The following RBFOX1 variants were observed in gnomAD, a reference collection of about 807,000 sequenced individuals.
RBFOX1 encodes the protein RNA binding protein fox-1 homolog 1.
RBFOX1 carries 8 observed loss-of-function variants against 57.7 expected under a neutral mutation model. The ratio of observed to expected loss-of-function variants is 0.14; its 90% CI spans 0.08 to 0.25. The LOEUF is 0.25. RBFOX1 is among the 10% of genes least tolerant of loss of function. The pLI is 1.00. For missense variants in RBFOX1, 611 were observed against 548.5 expected (o/e 1.11, Z -1.14); for synonymous variants, 326 against 222.4 (o/e 1.47, Z -4.15).
In RBFOX1 at chr16:5,899,506, G is replaced by A. The variant is rs117003482; in HGVS notation, c.351+32171G>A. Among the ~76,000 whole-genome samples the A allele has an allele frequency of 5.4e-3, 824 of 152,300 alleles. 3 individuals are homozygous for A. Among genetic ancestry groups the A allele is most frequent in the Non-Finnish European group, 6.3e-3 (431 of 68,032 alleles). On this transcript the variant is annotated intron_variant, in intron 4 of 19. Transcript: ENST00000641259. ...TCAAGCTGAATTCTCTGCTTGACTA[G>A]CTAGGAAGAGTGGGGCCACTCTGTG...
At chr16:7,031,931 C>T (rs2042906518) in intron 3 of RBFOX1, among the ~76,000 whole-genome samples, 2 of 152,140 alleles carry the variant, frequency 1.3e-5, no homozygotes, top group Admixed American at 6.5e-5. Context: ...TGCTTTCTTC[C>T]AGCAGCCAAA....
At chr16:7,033,941 G>A (rs949055920) in intron 3 of RBFOX1, among the ~76,000 whole-genome samples, 2 of 152,174 alleles carry the variant, frequency 1.3e-5, no homozygotes, top group African/African-American at 4.8e-5. Context: ...TGCATTTCAG[G>A]CTGGGTGACC....
chr16:6,877,982 G>A (rs1477216421), intron 3 of RBFOX1, among the ~76,000 whole-genome samples: 2 of 152,118 alleles, frequency 1.3e-5, no homozygotes, highest in African/African-American at 2.4e-5. Flanking sequence ...TCAGAGAGCC[G>A]AGTCATTGTG....
chr16:6,766,354 C>A (rs75390004), intron 3 of RBFOX1, among the ~76,000 whole-genome samples: 1 of 151,772 alleles, frequency 6.6e-6, no homozygotes, highest in Non-Finnish European at 1.5e-5. Context: ...ATAACTTTTC[C>A]TACTTGAGCA....
chr16:6,425,714 TACAC>T (rs149682530), intron 2 of RBFOX1, among the ~76,000 whole-genome samples: 5 of 152,010 alleles, frequency 3.3e-5, no homozygotes, highest in African/African-American at 4.8e-5. Context: ...ATCTAATTCA[TACAC>T]ACACACACAC....
intron 4 of RBFOX1, among the ~76,000 whole-genome samples, chr16:7,359,915 C>T (rs907717310): frequency 8.0e-5 from 12 of 149,470 alleles, no homozygotes; most frequent in Non-Finnish European, 3.0e-5. Context: ...ACCCAGGAGG[C>T]GGAGCTTGCA....
intron 2 of RBFOX1, among the ~76,000 whole-genome samples, chr16:5,499,365 A>C (rs2043110436): frequency 6.6e-6 from 1 of 152,136 alleles, no homozygotes. Flanking sequence ...CTCTCTGTCC[A>C]GGTCTCGGAT....
intron 2 of RBFOX1, among the ~76,000 whole-genome samples, chr16:5,527,162 G>T (rs911400036): frequency 6.6e-6 from 1 of 152,194 alleles, no homozygotes; most frequent in Non-Finnish European, 1.5e-5. Context: ...GGCTTGGCGA[G>T]ATTGAGTGCT....
At chr16:6,591,697 G>C (rs942089703) in intron 2 of RBFOX1, among the ~76,000 whole-genome samples, 5 of 152,092 alleles carry the variant, frequency 3.3e-5, no homozygotes, top group African/African-American at 1.2e-4. Context: ...TTTTTCTACA[G>C]CTTAATTTCT....
At chr16:5,974,333 G>A (rs551417964) in intron 4 of RBFOX1, among the ~76,000 whole-genome samples, 97 of 152,316 alleles carry the variant, frequency 6.4e-4, no homozygotes, top group African/African-American at 2.2e-3. Context: ...TCTGGGCCAG[G>A]CACGGTGGCT....
chr16:6,332,962 T>G (rs1162718383), intron 2 of RBFOX1, among the ~76,000 whole-genome samples: 1 of 152,242 alleles, frequency 6.6e-6, no homozygotes, highest in Non-Finnish European at 1.5e-5. Flanking sequence ...TAATCATTAT[T>G]TAATATCTTA....
At chr16:6,315,006 G>C (rs2080894022) in intron 1 of RBFOX1, among the ~76,000 whole-genome samples, 2 of 152,290 alleles carry the variant, frequency 1.3e-5, no homozygotes, top group Admixed American at 6.5e-5. Context: ...TTCCCCACTG[G>C]ACTGTAGGCA....
At chr16:7,196,851 A>G (rs996925584) in intron 4 of RBFOX1, among the ~76,000 whole-genome samples, 8 of 152,290 alleles carry the variant, frequency 5.3e-5, no homozygotes, top group Non-Finnish European at 8.8e-5. Flanking sequence ...AGCATGTGCA[A>G]AGGGAAAAGG....
intron 1 of RBFOX1, among the ~76,000 whole-genome samples, chr16:6,099,208 C>G (rs140434789): frequency 1.3e-5 from 2 of 152,226 alleles, no homozygotes; most frequent in East Asian, 1.9e-4. Flanking sequence ...TGAAAATTGG[C>G]CAAAGAAAGT....
chr16:7,277,322 A>G (rs1413968727), intron 4 of RBFOX1, among the ~76,000 whole-genome samples: 1 of 152,220 alleles, frequency 6.6e-6, no homozygotes, highest in African/African-American at 2.4e-5. Flanking sequence ...TACTCAGGGA[A>G]GATCCAATGT....
At chr16:7,591,102 G>A (rs945686206) in intron 7 of RBFOX1, among the ~76,000 whole-genome samples, 15 of 152,114 alleles carry the variant, frequency 9.9e-5, no homozygotes, top group African/African-American at 3.4e-4. Context: ...GATATTGTGA[G>A]AAGGCTTCTG....
At chr16:6,472,454 C>G (rs1191128175) in intron 2 of RBFOX1, among the ~76,000 whole-genome samples, 1 of 152,124 alleles carries the variant, frequency 6.6e-6, no homozygotes, top group Non-Finnish European at 1.5e-5. Context: ...CAAGTCAAAT[C>G]CAGTCATTGC....
chr16:5,922,393 C>G (rs1405299570), intron 4 of RBFOX1, among the ~76,000 whole-genome samples: 1 of 152,156 alleles, frequency 6.6e-6, no homozygotes, highest in African/African-American at 2.4e-5. Flanking sequence ...AAAAGGGACA[C>G]AAGGAGATGT....
intron 1 of RBFOX1, among the ~76,000 whole-genome samples, chr16:6,027,241 T>C (rs2095213740): frequency 6.6e-6 from 1 of 152,182 alleles, no homozygotes; most frequent in South Asian, 2.1e-4. Flanking sequence ...TCATTAACTC[T>C]TCATGGCAAA....
Sources: gnomAD v4.1 joint callset for allele counts (sites outside exome capture counted in the v4.1 genomes callset) on GRCh38, gnomAD v4.1.1 for gene constraint, MANE v1.5 for transcripts, NCBI Gene and HGNC (gene_info 2026-07-23, HGNC 2026-07-21) for gene names.